Variants in PPP2R5D observed in about 807,000 individuals in gnomAD.
PPP2R5D encodes protein phosphatase 2 regulatory subunit B'delta.
In PPP2R5D, 12 loss-of-function variants were observed where a neutral mutation model predicts 79.1. The ratio of observed to expected loss-of-function variants is 0.15; its 90% CI spans 0.10 to 0.25. The LOEUF (loss-of-function observed/expected upper bound fraction) is 0.25. Among genes scored for constraint, PPP2R5D ranks in the 10% least tolerant of loss-of-function variants. PPP2R5D has a pLI of 1.00. For synonymous variants in PPP2R5D, 277 were observed against 286.6 expected (o/e 0.97, Z 0.34); for missense variants, 419 against 760.2 (o/e 0.55, Z 5.28).
rs765907237 is a variant in PPP2R5D, at chr6:43,007,396, G to A, written c.634-18G>A. ...TCCTTGGGAACATCCCCTCAGTGGC[G>A]TGCCTTTTCCCCTATAGCTCGTGTA... On this transcript the variant is annotated intron_variant, in intron 5 of 15. Coordinates refer to ENST00000485511, the MANE Select transcript of PPP2R5D (RefSeq NM_006245.4). This position sits in a 1 kb window ranked among gnomAD's most constrained non-coding sequence, Gnocchi z 4.5. The A allele has an allele frequency of 3.2e-5, 51 of 1,607,706 alleles. No homozygotes were observed. In the East Asian group the frequency reaches 4.5e-4, roughly 14 times the overall value.
At chr6:42,988,049 G>T (rs1033179295) in intron 1 of PPP2R5D, among the ~76,000 whole-genome samples, 2 of 152,074 alleles carry the variant, frequency 1.3e-5, no homozygotes, top group Non-Finnish European at 2.9e-5. Flanking sequence ...GCGTGCTCAG[G>T]CCAAAGAAGG....
At position 43,010,970 on chromosome 6, in the gene PPP2R5D, G is replaced by T; in HGVS notation, c.1644G>T (p.Lys548Asn). The T allele has an allele frequency of 6.2e-7, 1 of 1,614,164 alleles. No individual in the cohort carries two copies. Among genetic ancestry groups the T allele is most frequent in the Non-Finnish European group, 8.5e-7 (1 of 1,180,004 alleles). The change falls in exon 15 of 16, where the codon AAG (lysine) becomes AAT (asparagine). Residue 548 changes from lysine to asparagine, a missense_variant. By Grantham distance (94) the Lys-to-Asn change is moderately conservative (BLOSUM62 0). Transcript: ENST00000485511. This position sits in a 1 kb window ranked among gnomAD's most constrained non-coding sequence, Gnocchi z 4.7. ...TPTAEDIQLL[K>N]RTVETEAVQM... is the part of the protein sequence containing the mutation. ...CAGCTGAGGACATCCAGCTTCTGAA[G>T]AGGACTGTGGAGACTGAGGCTGTTC...
At chr6:42,989,545 G>A in intron 1 of PPP2R5D, 66 bp from the exon 2 acceptor site, 1 of 1,320,536 alleles carries the variant, frequency 7.6e-7, no homozygotes, top group Non-Finnish European at 1.1e-6. Context: ...AAGATCTAAG[G>A]GAGCCAGATA....
At chr6:42,985,426 C>T (rs1770767506) in intron 1 of PPP2R5D, among the ~76,000 whole-genome samples, 1 of 152,200 alleles carries the variant, frequency 6.6e-6, no homozygotes, top group South Asian at 2.1e-4. Context: ...GGGACTTGTC[C>T]AAGGTCACAC....
Position 43,011,376 on chromosome 6 carries a change from G to T in PPP2R5D, c.*90G>T. ...TACTCTGCTCCCTACTGGCTGTCTTGGGGGAAGGCAGCGCCTCTCTAGCTA... is the reference window on the plus strand; with the variant it reads ...TACTCTGCTCCCTACTGGCTGTCTTTGGGGAAGGCAGCGCCTCTCTAGCTA... On this transcript the variant is annotated 3_prime_UTR_variant, in exon 16 of 16. Coordinates refer to ENST00000485511, the MANE Select transcript of PPP2R5D (RefSeq NM_006245.4). 3.3e-6 allele frequency: 5 copies of T among 1,536,728 alleles called. No homozygotes were observed. The highest frequency in any genetic ancestry group is 4.4e-6 in the Non-Finnish European group (5 of 1,131,112).
At chr6:43,001,206 G>C (rs575735134) in intron 2 of PPP2R5D, among the ~76,000 whole-genome samples, 2 of 152,140 alleles carry the variant, frequency 1.3e-5, no homozygotes, top group African/African-American at 4.8e-5. Context: ...CTAGGGTGGA[G>C]TGCAATGACA....
At chr6:42,988,894 C>T (rs1309515664) in intron 1 of PPP2R5D, among the ~76,000 whole-genome samples, 1 of 152,150 alleles carries the variant, frequency 6.6e-6, no homozygotes, top group African/African-American at 2.4e-5. Context: ...CTTTTTTTGG[C>T]TCGAAGCATA....
At chr6:42,993,550 C>T (rs571743533) in intron 2 of PPP2R5D, among the ~76,000 whole-genome samples, 3 of 152,354 alleles carry the variant, frequency 2.0e-5, no homozygotes, top group East Asian at 1.9e-4. Context: ...TTAGTGTCGG[C>T]AGGGCCATGT....
chr6:42,996,678 T>G (rs1252340552), intron 2 of PPP2R5D, among the ~76,000 whole-genome samples: 1 of 152,210 alleles, frequency 6.6e-6, no homozygotes, highest in East Asian at 1.9e-4. Flanking sequence ...GGGCCATGTC[T>G]TAGTCACCTT....
At chr6:42,995,126 C>CT (rs889250251) in intron 2 of PPP2R5D, among the ~76,000 whole-genome samples, 7,034 of 106,266 alleles carry the variant, frequency 0.066, 420 homozygotes, top group African/African-American at 0.12. Flanking sequence ...CTTTTTCTTT[C>CT]TTTTTTTTTT....
Position 43,010,748 on chromosome 6 carries a change from C to G in PPP2R5D, c.1554+12C>G. On this transcript the variant is annotated intron_variant, in intron 14 of 15. Coordinates refer to ENST00000485511, the MANE Select transcript of PPP2R5D (RefSeq NM_006245.4). The surrounding 1 kb of genome is among the most constrained non-coding windows in gnomAD (Gnocchi z 4.7). ...GGCTTAATCCCCAGGTGAGGTTTTCCTGCCACTGTTGTGAACTGAGGGGCC... is the reference window on the plus strand; with the variant it reads ...GGCTTAATCCCCAGGTGAGGTTTTCGTGCCACTGTTGTGAACTGAGGGGCC... The G allele has an allele frequency of 6.2e-7, 1 of 1,613,862 alleles. No individual in the cohort carries two copies. Among genetic ancestry groups the G allele is most frequent in the East Asian group, 2.2e-5 (1 of 44,880 alleles).
rs1424855347 is a variant in PPP2R5D at position 43,010,016 on chromosome 6, C to A, written c.1380-452C>A. Among the ~76,000 whole-genome samples the A allele has an allele frequency of 5.3e-5, 8 of 152,076 alleles. No individual in the cohort carries two copies. Among genetic ancestry groups the A allele is most frequent in the Admixed American group, 2.6e-4 (4 of 15,270 alleles). On this transcript the variant is annotated intron_variant, in intron 12 of 15. Transcript: ENST00000485511. The surrounding 1 kb of genome is among the most constrained non-coding windows in gnomAD (Gnocchi z 4.7). ...CCTGGGAGGTGACGGTTGCAGTGAG[C>A]CGAGATCGTGCCACTGCACTCCAGC... is the stretch of plus-strand genomic sequence containing the variant.
chr6:42,996,694 CT>C (rs1209263359), intron 2 of PPP2R5D, among the ~76,000 whole-genome samples: 3 of 152,034 alleles, frequency 2.0e-5, no homozygotes, highest in Non-Finnish European at 4.4e-5. Context: ...ACCTTTTAAT[CT>C]TTTTTTATGG....
chr6:42,986,479 C>T (rs567670583), intron 1 of PPP2R5D, among the ~76,000 whole-genome samples: 1 of 152,090 alleles, frequency 6.6e-6, no homozygotes, highest in South Asian at 2.1e-4. Flanking sequence ...TGAGTTGTCC[C>T]CTTAACCTTT....
chr6:42,987,388 C>A (rs545229301), intron 1 of PPP2R5D, among the ~76,000 whole-genome samples: 1 of 152,184 alleles, frequency 6.6e-6, no homozygotes, highest in East Asian at 1.9e-4. Context: ...GAGTAGGGTG[C>A]CCCTGCCCCC....
intron 2 of PPP2R5D, among the ~76,000 whole-genome samples, chr6:43,003,587 C>A (rs183974826): frequency 6.6e-6 from 1 of 152,234 alleles, no homozygotes; most frequent in East Asian, 1.9e-4. Context: ...AATTCTACTA[C>A]AGGAGATAGT....
At position 43,009,278 on chromosome 6, in the gene PPP2R5D, G is replaced by C. The variant is rs200733711; in HGVS notation, c.1252-44G>C. On this transcript the variant is annotated intron_variant, in intron 11 of 15. Coordinates refer to ENST00000485511, the MANE Select transcript of PPP2R5D (RefSeq NM_006245.4). The surrounding 1 kb of genome is among the most constrained non-coding windows in gnomAD (Gnocchi z 5.6). ...AGCCCCTGCCAGAAACTGAGGTCTTGAGTGAAATGAGCAGCACCCACCGAG... is the reference window on the plus strand; with the variant it reads ...AGCCCCTGCCAGAAACTGAGGTCTTCAGTGAAATGAGCAGCACCCACCGAG... 4.3e-6 allele frequency: 7 copies of C among 1,613,822 alleles called. No individual in the cohort carries two copies. In the African/African-American group the frequency reaches 8.0e-5, roughly 18 times the overall value.
At chr6:42,998,058 T>TATATATAAA (rs1391790699) in intron 2 of PPP2R5D, among the ~76,000 whole-genome samples, 1 of 10,688 alleles carries the variant, frequency 9.4e-5, no homozygotes, top group African/African-American at 3.0e-4. Context: ...TATATATATA[T>TATATATAAA]TTTTTTTTTT....
rs1311900882 is a variant in PPP2R5D at position 42,984,828 on chromosome 6, G to C, written c.27+124G>C. 6 of 1,426,282 alleles carry C rather than the reference G, an allele frequency of 4.2e-6. No individual in the cohort carries two copies. The African/African-American group carries it at 7.4e-5, about 18-fold the overall frequency. 88.4% of individuals were successfully genotyped at this position (1,426,282 alleles called of 1,614,324 possible). On this transcript the variant is annotated intron_variant, in intron 1 of 15. Coordinates refer to ENST00000485511, the MANE Select transcript of PPP2R5D (RefSeq NM_006245.4). ...CCGTCCAGCCCCCGCAGGACTCCTG[G>C]GGCCAGCCCTCCGCCCCCGCGGCTG...
Sources: gnomAD v4.1 joint callset for allele counts (sites outside exome capture counted in the v4.1 genomes callset) on GRCh38, gnomAD v4.1.1 for gene constraint, Gnocchi (gnomAD v3.1) non-coding constraint, MANE v1.5 for transcripts, NCBI Gene and HGNC (gene_info 2026-07-23, HGNC 2026-07-21) for gene names.